Variants in SGCD observed in about 807,000 individuals in gnomAD.
SGCD encodes sarcoglycan delta.
A neutral mutation model predicts 36.6 loss-of-function variants in SGCD; 18 were observed. That is an observed-to-expected ratio of 0.49 (90% CI 0.34 to 0.73). The LOEUF is 0.73. SGCD is among the 30% of genes least tolerant of loss of function. The pLI is 0.01. For synonymous variants in SGCD, 133 were observed against 130.6 expected (o/e 1.02, Z -0.12); for missense variants, 387 against 346.7 (o/e 1.12, Z -0.92).
chr5:155,746,528 T>C, the SGCD span, among the ~76,000 whole-genome samples: 1 of 152,186 alleles, frequency 6.6e-6, no homozygotes. Context: ...AATTAGCCAA[T>C]AGCCTTGAGA....
chr5:155,973,520 T>C (rs1758046290), intron 1 of SGCD, among the ~76,000 whole-genome samples: 1 of 152,184 alleles, frequency 6.6e-6, no homozygotes, highest in Non-Finnish European at 1.5e-5. Context: ...ATGGGTTTTC[T>C]AAATTAAGGG....
At chr5:156,360,097 C>T (rs1769704529) in intron 3 of SGCD, among the ~76,000 whole-genome samples, 1 of 152,206 alleles carries the variant, frequency 6.6e-6, no homozygotes, top group South Asian at 2.1e-4. Flanking sequence ...TGAAACCCCA[C>T]CTCCAAGCTA....
intron 6 of SGCD, among the ~76,000 whole-genome samples, chr5:156,630,651 TA>T (rs1348892889): frequency 6.6e-6 from 1 of 152,220 alleles, no homozygotes; most frequent in East Asian, 1.9e-4. Flanking sequence ...CTTCTATTAA[TA>T]GATATTTATG....
chr5:156,082,362 G>A lies in SGCD; in HGVS notation c.-281-35516G>A, dbSNP rs541079053. Among the ~76,000 whole-genome samples, 44 of 152,178 alleles carry A rather than the reference G, an allele frequency of 2.9e-4. 1 individual carries two copies. Among genetic ancestry groups the A allele is most frequent in the Non-Finnish European group, 5.3e-4 (36 of 68,008 alleles). ...GTATGTCAAAGTGCCATATTTTGGA[G>A]TATCTGTTTCTGAGCCCCAGTGCCT... On this transcript the variant is annotated intron_variant, in intron 1 of 9. Coordinates refer to the SGCD transcript ENST00000517913.
At chr5:155,975,609 C>CTTTTTTTTTTTTTTTTTTTTTTCTTT (rs1758096806) in intron 1 of SGCD, among the ~76,000 whole-genome samples, 1 of 28,008 alleles carries the variant, frequency 3.6e-5, no homozygotes, top group Non-Finnish European at 6.9e-5. Flanking sequence ...TCTTTCTTTC[C>CTTTTTTTTTTTTTTTTTTTTTTCTTT]TTTTTTTTTT....
At chr5:156,576,663 C>A (rs896799351) in intron 4 of SGCD, among the ~76,000 whole-genome samples, 3 of 152,178 alleles carry the variant, frequency 2.0e-5, no homozygotes, top group African/African-American at 7.2e-5. Flanking sequence ...ATTTGCATTT[C>A]TCTTATGACC....
intron 1 of SGCD, among the ~76,000 whole-genome samples, chr5:155,891,553 A>G (rs1410228675): frequency 3.0e-5 from 1 of 33,120 alleles, no homozygotes; most frequent in East Asian, 7.0e-4. Context: ...AGAAAAATAA[A>G]TACTCTTTTT....
chr5:156,212,226 G>A (rs1764461322), intron 3 of SGCD, among the ~76,000 whole-genome samples: 1 of 152,094 alleles, frequency 6.6e-6, no homozygotes. Context: ...GTGATTAAAT[G>A]GATTTTAAAA....
the SGCD span, among the ~76,000 whole-genome samples, chr5:155,759,337 TTC>T: frequency 2.0e-5 from 3 of 152,104 alleles, no homozygotes; most frequent in African/African-American, 7.2e-5. Context: ...CACCATCCCC[TTC>T]TCTCTCTCTC....
At chr5:156,472,226 T>C (rs1405925220) in intron 3 of SGCD, among the ~76,000 whole-genome samples, 1 of 152,164 alleles carries the variant, frequency 6.6e-6, no homozygotes, top group African/African-American at 2.4e-5. Flanking sequence ...TGTATACCGA[T>C]CTTATGACCC....
intron 3 of SGCD, among the ~76,000 whole-genome samples, chr5:156,258,913 G>A (rs1765780461): frequency 1.3e-5 from 2 of 151,916 alleles, no homozygotes. Flanking sequence ...AAGGGGTTCT[G>A]ACTAAAACTC....
At chr5:156,393,840 A>G (rs940883527) in intron 3 of SGCD, 11 of 456,170 alleles carry the variant, frequency 2.4e-5, no homozygotes, top group African/African-American at 2.2e-4. Context: ...CAGGTGACTC[A>G]GATTCCAGTA....
intron 4 of SGCD, among the ~76,000 whole-genome samples, chr5:156,556,514 A>G (rs113555892): frequency 2.6e-5 from 4 of 152,240 alleles, no homozygotes; most frequent in African/African-American, 4.8e-5. Context: ...GTGTTTAGCA[A>G]TGGCTTAAAA....
At chr5:156,626,362 G>A (rs1488039404) in intron 6 of SGCD, among the ~76,000 whole-genome samples, 1 of 152,184 alleles carries the variant, frequency 6.6e-6, no homozygotes, top group East Asian at 1.9e-4. Flanking sequence ...CACAGCAAGT[G>A]AGCAATTAAT....
intron 3 of SGCD, among the ~76,000 whole-genome samples, chr5:156,391,373 C>G (rs1771555585): frequency 1.3e-5 from 2 of 152,160 alleles, no homozygotes; most frequent in South Asian, 4.1e-4. Flanking sequence ...GAACACGTGC[C>G]TATTGTGAAA....
intron 4 of SGCD, among the ~76,000 whole-genome samples, chr5:156,576,435 T>C (rs1759959518): frequency 6.6e-6 from 1 of 152,210 alleles, no homozygotes; most frequent in African/African-American, 2.4e-5. Flanking sequence ...TTTCGGTATA[T>C]ACCCAGTAAT....
intron 1 of SGCD, among the ~76,000 whole-genome samples, chr5:156,072,269 C>T (rs562823472): frequency 0.027 from 4,067 of 151,934 alleles, 180 homozygotes; most frequent in African/African-American, 0.093. Flanking sequence ...TGGCTGGTAC[C>T]AGTTGTTCCT....
intron 7 of SGCD, among the ~76,000 whole-genome samples, chr5:156,743,146 C>G (rs1034232273): frequency 6.7e-5 from 9 of 133,578 alleles, no homozygotes; most frequent in Non-Finnish European, 9.3e-5. Flanking sequence ...AGTTTTTGCT[C>G]TGGTGCCCAG....
intron 3 of SGCD, among the ~76,000 whole-genome samples, chr5:156,256,410 A>C (rs1009277157): frequency 7.9e-5 from 12 of 152,308 alleles, no homozygotes; most frequent in African/African-American, 2.9e-4. Flanking sequence ...AATTTTGTAC[A>C]TATAGAACCA....
Sources: gnomAD v4.1 joint callset for allele counts (sites outside exome capture counted in the v4.1 genomes callset) on GRCh38, gnomAD v4.1.1 for gene constraint, MANE v1.5 for transcripts, NCBI Gene and HGNC (gene_info 2026-07-23, HGNC 2026-07-21) for gene names.